The following JAG2 variants were observed in gnomAD, a reference collection of about 807,000 sequenced individuals.
JAG2 encodes the protein protein jagged-2.
Under a neutral mutation model 141.7 loss-of-function variants are expected in JAG2, and 46 were observed. The observed-to-expected ratio is 0.32, with a 90% CI of 0.26 to 0.42. The LOEUF (loss-of-function observed/expected upper bound fraction) is 0.42. Ranked by LOEUF, JAG2 falls within the 10% of genes least tolerant of loss-of-function variation. JAG2 has a pLI of 1.00. For missense variants in JAG2, 1,500 were observed against 1,817.5 expected (o/e 0.83, Z 3.18); for synonymous variants, 862 against 763.5 (o/e 1.13, Z -2.13).
Position 105,142,863 on chromosome 14 carries a change from C to A in JAG2, c.3549G>T (p.Leu1183=), listed in dbSNP as rs1888100693. The A allele has an allele frequency of 6.2e-7, 1 of 1,607,476 alleles. No homozygotes were observed. The highest frequency in any genetic ancestry group is 2.2e-5 in the East Asian group (1 of 44,592). ...AVREDEEDED[L]GRGEEDSLEA... ...CCAGGGAGTCCTCCTCACCGCGGCC[C>A]AGATCCTCGTCCTCCTCATCCTCCC... The change falls in exon 26 of 26, where the codon CTG becomes CTT. Residue 1183 remains leucine, a synonymous_variant. Coordinates refer to ENST00000331782, the MANE Select transcript of JAG2 (RefSeq NM_002226.5).
chr14:105,152,038 G>A lies in JAG2; in HGVS notation c.939C>T (p.Ser313=). Residue 313 remains serine (S), a synonymous_variant, in exon 7 of 26, where the codon AGC becomes AGT. Coordinates refer to ENST00000331782, the MANE Select transcript of JAG2 (RefSeq NM_002226.5). ...TGCCTCCGTTGGTGCAGGGGTGGTG[G>A]CTGCCACAGTAGTTCAGGTCTGGGG... is the stretch of plus-strand genomic sequence containing the variant. ...LCDKDLNYCG[S]HHPCTNGGTC... is the part of the protein sequence containing the mutation. 1 of 1,613,232 alleles carries A rather than the reference G, an allele frequency of 6.2e-7. No individual in the cohort carries two copies. Among genetic ancestry groups the A allele is most frequent in the South Asian group, 1.1e-5 (1 of 91,078 alleles).
rs587701792 is a variant in JAG2 at position 105,165,921 on chromosome 14, G to A, written c.417+1836C>T. ...CACAGAGCTGGACCTCAGCAAGCCA[G>A]GGCAGCATGGCCAGGGACTGCCGCC... On this transcript the variant is annotated intron_variant, in intron 2 of 25. Transcript: ENST00000331782. 2.0e-5 allele frequency among the ~76,000 whole-genome samples: 3 copies of A among 152,356 alleles called. No homozygotes were observed. The East Asian group carries it at 5.8e-4, about 29-fold the overall frequency.
intron 2 of JAG2, among the ~76,000 whole-genome samples, chr14:105,164,755 C>T (rs1360921928): frequency 6.6e-6 from 1 of 152,040 alleles, no homozygotes; most frequent in Non-Finnish European, 1.5e-5. Flanking sequence ...GTCTGGGAGC[C>T]GGGCTGGGGG....
intron 15 of JAG2, 102 bp downstream of exon 15, chr14:105,148,643 G>T: frequency 1.8e-6 from 2 of 1,130,938 alleles, no homozygotes; most frequent in Non-Finnish European, 2.5e-6. Flanking sequence ...GGCCTTTCTG[G>T]GTACGGGGCC....
At chr14:105,161,914 G>GCCTCCTCTGCGAATAGCAA in intron 2 of JAG2, among the ~76,000 whole-genome samples, 1 of 151,858 alleles carries the variant, frequency 6.6e-6, no homozygotes, top group Non-Finnish European at 1.5e-5. Flanking sequence ...TGTCCTTCCT[G>GCCTCCTCTGCGAATAGCAA]CCTGGCGGGC....
intron 23 of JAG2, 109 bp from the exon 24 acceptor site, chr14:105,145,170 G>A: frequency 2.1e-6 from 3 of 1,454,780 alleles, no homozygotes; most frequent in Admixed American, 1.8e-5. Context: ...AGCCCGCCCA[G>A]GAGAGCACAG....
At chr14:105,159,420 C>T (rs938528124) in intron 2 of JAG2, among the ~76,000 whole-genome samples, 7 of 151,866 alleles carry the variant, frequency 4.6e-5, no homozygotes, top group Non-Finnish European at 7.4e-5. Flanking sequence ...TTCCCACATC[C>T]GCCATGGCCC....
At position 105,148,227 on chromosome 14, in the gene JAG2, C is replaced by T. The variant is rs368186766; in HGVS notation, c.2137G>A (p.Glu713Lys). ...GWKGKTCHSR[E>K]FQCDAYTCSN... ...CAGGTGTAGGCATCGCACTGGAACT[C>T]GCCTGTTGGCACATGGGCCGCTCAG... Residue 713 changes from glutamate to lysine, a missense_variant and splice_region_variant, in exon 17 of 26, where the codon GAG (glutamate) becomes AAG (lysine). Physicochemically the swap from Glu to Lys is moderately conservative, Grantham distance 56. Transcript: ENST00000331782. The T allele has an allele frequency of 1.6e-5, 25 of 1,560,834 alleles. No individual in the cohort carries two copies. Among genetic ancestry groups the T allele is most frequent in the East Asian group, 2.4e-5 (1 of 41,494 alleles).
At position 105,147,812 on chromosome 14, in the gene JAG2, G is replaced by A. The variant is rs914289783; in HGVS notation, c.2325C>T (p.Cys775=). The part of the protein sequence containing the change: ...TCVGSGASFS[C]ICRDGWEGRT... ...GACCCTCCCAGCCGTCCCGGCAGAT[G>A]CAGGAGAAGGAGGCCCCGCTGCCCA... The change falls in exon 18 of 26, where the codon TGC becomes TGT. Residue 775 remains cysteine, a synonymous_variant. Coordinates refer to ENST00000331782, the MANE Select transcript of JAG2 (RefSeq NM_002226.5). 1.3e-6 allele frequency: 2 copies of A among 1,549,686 alleles called. No homozygotes were observed. The highest frequency in any genetic ancestry group is 1.7e-6 in the Non-Finnish European group (2 of 1,147,414).
chr14:105,155,133 G>A (rs1408198936), intron 5 of JAG2, among the ~76,000 whole-genome samples: 1 of 151,294 alleles, frequency 6.6e-6, no homozygotes, highest in Non-Finnish European at 1.5e-5. Flanking sequence ...CCCTTCCTCT[G>A]TCCCTGGTCC....
chr14:105,142,959 G>A lies in JAG2; in HGVS notation c.3453C>T (p.Cys1151=). Residue 1151 remains cysteine, a synonymous_variant, in exon 26 of 26, where the codon TGC becomes TGT. Coordinates refer to ENST00000331782, the MANE Select transcript of JAG2 (RefSeq NM_002226.5). ...TGCGCGGCGGCGGCGTGAAGTTCTT[G>A]CACTGGTAGAGCACGTCCTTGTGGC... ...PGGHKDVLYQ[C]KNFTPPPRRA... is the part of the protein sequence containing the mutation. 1 of 1,610,186 alleles carries A rather than the reference G, an allele frequency of 6.2e-7. No homozygotes were observed. Among genetic ancestry groups the A allele is most frequent in the Non-Finnish European group, 8.5e-7 (1 of 1,178,798 alleles).
intron 24 of JAG2, among the ~76,000 whole-genome samples, chr14:105,144,350 A>G (rs940197633): frequency 6.6e-6 from 1 of 151,440 alleles, no homozygotes; most frequent in African/African-American, 2.4e-5. Context: ...GCACCCATCC[A>G]TGTCCCCCAC....
In JAG2 at chr14:105,167,695, C is replaced by T. The variant is rs1888962052; in HGVS notation, c.417+62G>A. On this transcript the variant is annotated intron_variant, in intron 2 of 25. Coordinates refer to ENST00000331782, the MANE Select transcript of JAG2 (RefSeq NM_002226.5). The surrounding 1 kb of genome is among the most constrained non-coding windows in gnomAD (Gnocchi z 4.8). ...CGCAGGTGTTGGGGGTCGCGAAGCG[C>T]GCGGGGCCGGGGCGCGGAGAGAGAG... 7.4e-7 allele frequency: 1 copy of T among 1,342,320 alleles called. No homozygotes were observed. The highest frequency in any genetic ancestry group is 1.8e-5 in the South Asian group (1 of 55,222). 83.2% of individuals were successfully genotyped at this position (1,342,320 alleles called of 1,614,324 possible).
intron 2 of JAG2, among the ~76,000 whole-genome samples, chr14:105,164,354 C>G (rs1888847566): frequency 6.6e-6 from 1 of 152,218 alleles, no homozygotes; most frequent in Non-Finnish European, 1.5e-5. Flanking sequence ...GGCCCCAGGG[C>G]CATGGCAGGA....
chr14:105,148,414 G>C lies in JAG2; in HGVS notation c.2046C>G (p.Pro682=), dbSNP rs1483730054. The C allele has an allele frequency of 3.1e-6, 5 of 1,611,910 alleles. No homozygotes were observed. Among genetic ancestry groups the C allele is most frequent in the Non-Finnish European group, 4.2e-6 (5 of 1,179,482 alleles). The part of the protein sequence containing the change: ...DTNPNDCLPD[P]CHSRGRCYDL... ...CGTAGCAGCGGCCGCGGCTGTGGCAGGGATCGGGAAGGCAGTCGTTGGGAT... is the reference window on the plus strand; with the variant it reads ...CGTAGCAGCGGCCGCGGCTGTGGCACGGATCGGGAAGGCAGTCGTTGGGAT... The change falls in exon 16 of 26, where the codon CCC becomes CCG. Residue 682 remains proline (P), a synonymous_variant. Transcript: ENST00000331782.
rs1049742072 is a variant in JAG2 at position 105,154,054 on chromosome 14, G to A, written c.788+1508C>T. 3.3e-5 allele frequency among the ~76,000 whole-genome samples: 5 copies of A among 152,164 alleles called. No homozygotes were observed. Among genetic ancestry groups the A allele is most frequent in the African/African-American group, 9.7e-5 (4 of 41,426 alleles). On this transcript the variant is annotated intron_variant, in intron 5 of 25. Transcript: ENST00000331782. This position sits in a 1 kb window ranked among gnomAD's most constrained non-coding sequence, Gnocchi z 4.4. ...CGGCCCCAGCCCTGCTTGCCTCCCC[G>A]CTCTGGGACTGGCCGGGAAAGCTCC...
At chr14:105,162,670 G>T (rs1888785911) in intron 2 of JAG2, among the ~76,000 whole-genome samples, 1 of 146,652 alleles carries the variant, frequency 6.8e-6, no homozygotes, top group Non-Finnish European at 1.5e-5. Flanking sequence ...TAAAGCCCAG[G>T]ACACCTCAGG....
chr14:105,150,728 C>T lies in JAG2; in HGVS notation c.1478G>A (p.Arg493Gln), dbSNP rs1011982956. The change falls in exon 12 of 26, where the codon CGG becomes CAG. Residue 493 changes from arginine (R) to glutamine (Q), a missense_variant. Arg to Gln is a conservative substitution (Grantham distance 43, BLOSUM62 1). Transcript: ENST00000331782. Reference sequence around the variant, plus strand: ...CTCGTCTCGTTCCAGCTCGCAATGCCGGCCTCCGAAGCCCCGTGGGCACAC... The same window carrying T: ...CTCGTCTCGTTCCAGCTCGCAATGCTGGCCTCCGAAGCCCCGTGGGCACAC... Reference protein sequence around the residue: ...QCVCPRGFGGRHCELERDECA... With the variant: ...QCVCPRGFGGQHCELERDECA... 27 of 1,576,914 alleles carry T rather than the reference C, an allele frequency of 1.7e-5. No individual in the cohort carries two copies. Among genetic ancestry groups the T allele is most frequent in the Admixed American group, 5.5e-5 (3 of 54,602 alleles).
At chr14:105,156,202 G>A (rs370421299) in intron 3 of JAG2, among the ~76,000 whole-genome samples, 1,543 of 26,124 alleles carry the variant, frequency 0.059, 29 homozygotes, top group African/African-American at 0.14. Context: ...CCTGCGCCCC[G>A]CTCCCACCCT....
Sources: gnomAD v4.1 joint callset for allele counts (sites outside exome capture counted in the v4.1 genomes callset) on GRCh38, gnomAD v4.1.1 for gene constraint, Gnocchi (gnomAD v3.1) non-coding constraint, MANE v1.5 for transcripts, NCBI Gene and HGNC (gene_info 2026-07-23, HGNC 2026-07-21) for gene names.